Variants in PLXNA4 observed in about 807,000 individuals in gnomAD.
PLXNA4 encodes plexin A4.
In PLXNA4, 44 loss-of-function variants were observed where a neutral mutation model predicts 191.8. The observed-to-expected ratio is 0.23, with a 90% CI of 0.18 to 0.29. The LOEUF (loss-of-function observed/expected upper bound fraction) is 0.29, where lower values mean the gene tolerates loss of function less well. PLXNA4 is among the 10% of genes least tolerant of loss of function. The pLI is 1.00. For synonymous variants in PLXNA4, 1,082 were observed against 1,009.5 expected (o/e 1.07, Z -1.36); for missense variants, 1,800 against 2,488.8 (o/e 0.72, Z 5.89).
chr7:132,500,970 C>T (rs569672070), intron 2 of PLXNA4, among the ~76,000 whole-genome samples: 87 of 152,184 alleles, frequency 5.7e-4, no homozygotes, highest in African/African-American at 1.9e-3. Context: ...CCTGTGAGGA[C>T]GAAAGGAATT....
intron 3 of PLXNA4, chr7:132,367,522 A>C (rs1261627311): frequency 1.4e-5 from 2 of 139,014 alleles, no homozygotes; most frequent in Non-Finnish European, 3.1e-5. Context: ...GAAAGGATGA[A>C]GGATGCAGGT....
At chr7:132,260,904 T>C (rs1339839948) in intron 4 of PLXNA4, among the ~76,000 whole-genome samples, 1 of 152,166 alleles carries the variant, frequency 6.6e-6, no homozygotes, top group Non-Finnish European at 1.5e-5. Context: ...TATGTCAATG[T>C]AGGTTCATTG....
At chr7:132,185,615 A>G in intron 15 of PLXNA4, 152 bp from the exon 16 acceptor site, 2 of 1,227,090 alleles carry the variant, frequency 1.6e-6, no homozygotes, top group Non-Finnish European at 2.2e-6. Flanking sequence ...GCCAGTGACA[A>G]AGACTCTCCT....
chr7:132,635,403 G>A (rs2116884249), intron 2 of PLXNA4, among the ~76,000 whole-genome samples: 1 of 152,006 alleles, frequency 6.6e-6, no homozygotes, highest in East Asian at 1.9e-4. Context: ...TAGGGATATG[G>A]CCCCTGTCCC....
chr7:132,506,233 G>A (rs1798458362), intron 2 of PLXNA4, among the ~76,000 whole-genome samples: 1 of 151,958 alleles, frequency 6.6e-6, no homozygotes, highest in African/African-American at 2.4e-5. Context: ...CAGAGTGATG[G>A]CCTCTCCACA....
At position 132,202,635 on chromosome 7, in the gene PLXNA4, C is replaced by A; in HGVS notation, c.2586+11G>T. 2 of 1,461,652 alleles carry A rather than the reference C, an allele frequency of 1.4e-6. No homozygotes were observed. The highest frequency in any genetic ancestry group is 2.3e-5 in the Admixed American group (1 of 43,100). 90.5% of individuals were successfully genotyped at this position (1,461,652 alleles called of 1,614,324 possible). A position where few individuals can be genotyped will look rare whatever the true frequency, so the allele number is the denominator to read the frequency against. On this transcript the variant is annotated intron_variant, in intron 12 of 31. Transcript: ENST00000321063. ...TGCCCATTTGGAGCAGGAGGCCCGA[C>A]CCCGGCTTACCTCTGTGATGCGGGG...
At chr7:132,137,913 A>G (rs937143452) in intron 30 of PLXNA4, among the ~76,000 whole-genome samples, 1 of 150,398 alleles carries the variant, frequency 6.6e-6, no homozygotes, top group African/African-American at 2.4e-5. Flanking sequence ...GAGGATGAGT[A>G]TGAGGATGGT....
At chr7:132,266,942 T>C (rs1162220997) in intron 4 of PLXNA4, among the ~76,000 whole-genome samples, 1 of 152,240 alleles carries the variant, frequency 6.6e-6, no homozygotes, top group Non-Finnish European at 1.5e-5. Context: ...TGGGCATCCT[T>C]GAATCCCATC....
intron 1 of PLXNA4, among the ~76,000 whole-genome samples, chr7:132,563,007 C>T (rs1801356672): frequency 8.5e-6 from 1 of 118,284 alleles, no homozygotes; most frequent in Non-Finnish European, 1.8e-5. Flanking sequence ...CCTCCTTCTC[C>T]TCCTCTTTCT....
chr7:132,272,541 T>C (rs565279249), intron 4 of PLXNA4, among the ~76,000 whole-genome samples: 1 of 152,344 alleles, frequency 6.6e-6, no homozygotes, highest in South Asian at 2.1e-4. Flanking sequence ...AAGTCTTGCA[T>C]AGTTTCATTC....
At chr7:132,157,717 CT>C (rs1207898204) in intron 25 of PLXNA4, among the ~76,000 whole-genome samples, 1 of 152,238 alleles carries the variant, frequency 6.6e-6, no homozygotes, top group African/African-American at 2.4e-5. Flanking sequence ...AAGGTGCCCC[CT>C]GCTATATGGC....
At chr7:132,365,369 G>GCGCGCA (rs1205521989) in intron 3 of PLXNA4, among the ~76,000 whole-genome samples, 4 of 151,850 alleles carry the variant, frequency 2.6e-5, no homozygotes, top group African/African-American at 7.3e-5. Context: ...GTGCGTGCGC[G>GCGCGCA]CGCATGCATG....
At chr7:132,562,044 TCCTCCTCTCCCTCCTCC>T (rs1801166956) in intron 1 of PLXNA4, among the ~76,000 whole-genome samples, 1 of 128,762 alleles carries the variant, frequency 7.8e-6, no homozygotes. Context: ...CTCCTCTTCC[TCCTCCTCTCCCTCCTCC>T]TTCTCCTCCT....
At chr7:132,494,936 G>A (rs1351325784) in intron 2 of PLXNA4, among the ~76,000 whole-genome samples, 3 of 152,196 alleles carry the variant, frequency 2.0e-5, no homozygotes, top group Admixed American at 1.3e-4. Flanking sequence ...GAGACTCCCT[G>A]GGAAGGGCTG....
intron 2 of PLXNA4, among the ~76,000 whole-genome samples, chr7:132,614,899 C>T (rs956851647): frequency 1.3e-5 from 2 of 151,968 alleles, no homozygotes; most frequent in Non-Finnish European, 2.9e-5. Flanking sequence ...CTGGGAAGGT[C>T]GCCTGTGTCC....
chr7:132,225,622 C>CG (rs891083563), intron 8 of PLXNA4, among the ~76,000 whole-genome samples: 10 of 150,612 alleles, frequency 6.6e-5, no homozygotes, highest in South Asian at 4.2e-4. Flanking sequence ...GTCCGCCCCC[C>CG]CCCACAGCTT....
At chr7:132,132,962 G>C in intron 31 of PLXNA4, 87 bp downstream of exon 31, 1 of 1,525,408 alleles carries the variant, frequency 6.6e-7, no homozygotes, top group Non-Finnish European at 8.8e-7. Context: ...TGTCTGTGGC[G>C]ATGATCTCTT....
At chr7:132,637,795 C>G (rs1283327077) in intron 2 of PLXNA4, among the ~76,000 whole-genome samples, 1 of 152,210 alleles carries the variant, frequency 6.6e-6, no homozygotes, top group Non-Finnish European at 1.5e-5. Context: ...CTTTGCCTCC[C>G]CATCTCCTAT....
intron 13 of PLXNA4, among the ~76,000 whole-genome samples, 189 bp from the exon 14 acceptor site, chr7:132,194,368 A>C (rs1275271679): frequency 6.6e-6 from 1 of 152,162 alleles, no homozygotes; most frequent in African/African-American, 2.4e-5. Context: ...AATGACGAAA[A>C]CTGACCTATG....
Sources: allele counts gnomAD v4.1 joint callset (sites outside exome capture counted in the v4.1 genomes callset), GRCh38; gene constraint gnomAD v4.1.1; transcripts MANE v1.5; gene names NCBI Gene and HGNC (gene_info 2026-07-23, HGNC 2026-07-21).